The following TSBP1 variants were observed in gnomAD, a reference collection of about 807,000 sequenced individuals.
The protein encoded by TSBP1 is testis-expressed basic protein 1.
TSBP1 carries 56 observed loss-of-function variants against 68.8 expected under a neutral mutation model. The ratio of observed to expected loss-of-function variants is 0.81; its 90% CI spans 0.66 to 1.02. The LOEUF is 1.02. Ranked by LOEUF, TSBP1 falls within the 50% of genes least tolerant of loss-of-function variation. The pLI is 0.00. For missense variants in TSBP1, 502 were observed against 641.2 expected, an observed-to-expected ratio of 0.78 and a Z score of 2.34; for synonymous variants, 171 against 208.7, an observed-to-expected ratio of 0.82 and a Z score of 1.56.
intron 9 of TSBP1, among the ~76,000 whole-genome samples, chr6:32,347,486 T>G (rs1771183079): frequency 6.6e-6 from 1 of 152,192 alleles, no homozygotes; most frequent in Non-Finnish European, 1.5e-5. Flanking sequence ...CGAACAGTCT[T>G]CTCCAGTAGA....
At chr6:32,327,940 C>T (rs9501613) in intron 16 of TSBP1, among the ~76,000 whole-genome samples, 14,062 of 151,400 alleles carry the variant, frequency 0.093, 846 homozygotes, top group African/African-American at 0.15. Context: ...TACAGGCACC[C>T]GCCACCATGC....
chr6:32,324,331 C>G, intron 16 of TSBP1: 1 of 439,640 alleles, frequency 2.3e-6, no homozygotes, highest in South Asian at 2.2e-5. Flanking sequence ...CTACTCCTTT[C>G]TCTCCTACCA....
At chr6:32,348,284 C>T (rs1307786999) in intron 9 of TSBP1, among the ~76,000 whole-genome samples, 5 of 152,242 alleles carry the variant, frequency 3.3e-5, no homozygotes, top group African/African-American at 1.2e-4. Context: ...AAATATTTTA[C>T]CCTTTCCATA....
At chr6:32,320,258 T>C in intron 18 of TSBP1, 1 of 456,376 alleles carries the variant, frequency 2.2e-6, no homozygotes, top group East Asian at 6.9e-5. Context: ...TGGAATATTA[T>C]GCACATTGCA....
intron 19 of TSBP1, among the ~76,000 whole-genome samples, chr6:32,312,968 A>G (rs1246297894): frequency 2.0e-5 from 3 of 152,052 alleles, no homozygotes; most frequent in African/African-American, 7.2e-5. Context: ...TATAAAGTAG[A>G]CCCTATCATT....
intron 9 of TSBP1, among the ~76,000 whole-genome samples, chr6:32,341,903 A>C (rs1770401749): frequency 6.6e-6 from 1 of 152,194 alleles, no homozygotes; most frequent in Non-Finnish European, 1.5e-5. Context: ...TGTAATAGTC[A>C]GTATGAAAAC....
chr6:32,355,021 A>G, intron 8 of TSBP1, 103 bp downstream of exon 8: 1 of 881,382 alleles, frequency 1.1e-6, no homozygotes, highest in Non-Finnish European at 1.8e-6. Context: ...AATTATTTTT[A>G]TACTTAATTT....
At position 32,340,568 on chromosome 6, in the gene TSBP1, T is replaced by G. The variant is rs2395144; in HGVS notation, c.350-930A>C. Among the ~76,000 whole-genome samples, 51,143 of 152,076 alleles carry G rather than the reference T, an allele frequency of 0.34. 9,661 individuals are homozygous for G. The highest frequency in any genetic ancestry group is 0.52 in the Middle Eastern group (151 of 292). On this transcript the variant is annotated intron_variant, in intron 9 of 22. Coordinates refer to ENST00000612031, the Ensembl canonical transcript of TSBP1. The surrounding 1 kb of genome is among the most constrained non-coding windows in gnomAD (Gnocchi z 4.8). ...TTAAGATTTAAGATATTAACCTATGTTAGGAGTGACAAGTATACTTGAGTT... is the reference window on the plus strand; with the variant it reads ...TTAAGATTTAAGATATTAACCTATGGTAGGAGTGACAAGTATACTTGAGTT...
rs993004251 is a variant in TSBP1 at position 32,325,011 on chromosome 6, A to G, written c.515-1397T>C. On this transcript the variant is annotated intron_variant, in intron 16 of 22. Coordinates refer to ENST00000612031, the Ensembl canonical transcript of TSBP1. This position sits in a 1 kb window ranked among gnomAD's most constrained non-coding sequence, Gnocchi z 4.4. ...TGACTTATCTAGAAAGCAGAAATGG[A>G]TCTATATCATTTTTCTGTCATTTTT... is the stretch of plus-strand genomic sequence containing the variant. Among the ~76,000 whole-genome samples the G allele has an allele frequency of 1.3e-5, 2 of 152,064 alleles. No individual in the cohort carries two copies. Among genetic ancestry groups the G allele is most frequent in the Non-Finnish European group, 2.9e-5 (2 of 68,006 alleles).
intron 16 of TSBP1, among the ~76,000 whole-genome samples, chr6:32,326,938 G>A (rs1768293633): frequency 6.6e-6 from 1 of 152,080 alleles, no homozygotes; most frequent in Non-Finnish European, 1.5e-5. Context: ...ATCCTGCAGG[G>A]GATTGGTAAT....
intron 19 of TSBP1, among the ~76,000 whole-genome samples, chr6:32,308,900 T>A (rs1467730427): frequency 6.6e-6 from 1 of 152,052 alleles, no homozygotes; most frequent in Non-Finnish European, 1.5e-5. Flanking sequence ...TCTACTCATT[T>A]TAAAGCACAC....
chr6:32,293,246 CTCT>C (rs1324459259), exon 23 of TSBP1: 1 of 1,612,742 alleles, frequency 6.2e-7, no homozygotes, highest in Non-Finnish European at 8.5e-7. Flanking sequence ...ACCTGACTCA[CTCT>C]TCTTTACTTG....
rs1315427723 is a variant in TSBP1 at position 32,316,200 on chromosome 6, T to G, written c.560-408A>C. 6.6e-6 allele frequency among the ~76,000 whole-genome samples: 1 copy of G among 152,226 alleles called. No individual in the cohort carries two copies. Among genetic ancestry groups the G allele is most frequent in the Non-Finnish European group, 1.5e-5 (1 of 68,038 alleles). On this transcript the variant is annotated intron_variant, in intron 18 of 22. Coordinates refer to ENST00000612031, the Ensembl canonical transcript of TSBP1. The surrounding 1 kb of genome is among the most constrained non-coding windows in gnomAD (Gnocchi z 4.5). Reference sequence around the variant, plus strand: ...ATTCTGCTTACGTGTTATTTCATAATATTGTTCAGTTTATTACTGATGAAT... The same window carrying G: ...ATTCTGCTTACGTGTTATTTCATAAGATTGTTCAGTTTATTACTGATGAAT...
intron 22 of TSBP1, among the ~76,000 whole-genome samples, chr6:32,297,548 T>C (rs907199835): frequency 2.0e-5 from 3 of 152,176 alleles, no homozygotes; most frequent in Non-Finnish European, 1.5e-5. Context: ...GAGAGCACAA[T>C]TGGATCTAGA....
At position 32,340,669 on chromosome 6, in the gene TSBP1, C is replaced by T. The variant is rs2127612634; in HGVS notation, c.350-1031G>A. On this transcript the variant is annotated intron_variant, in intron 9 of 22. Coordinates refer to ENST00000612031, the Ensembl canonical transcript of TSBP1. This position sits in a 1 kb window ranked among gnomAD's most constrained non-coding sequence, Gnocchi z 4.8. ...AATTTTAGGATACATGTGAGCTGAG[C>T]AGGAAAGAGAATCATGATAAATTAC... is the stretch of plus-strand genomic sequence containing the variant. 6.6e-6 allele frequency among the ~76,000 whole-genome samples: 1 copy of T among 152,214 alleles called. No individual in the cohort carries two copies.
rs1025356364 is a variant in TSBP1 at position 32,304,182 on chromosome 6, C to T, written c.581-1553G>A. Among the ~76,000 whole-genome samples the T allele has an allele frequency of 2.0e-5, 3 of 149,584 alleles. No individual in the cohort carries two copies. Among genetic ancestry groups the T allele is most frequent in the South Asian group, 2.1e-4 (1 of 4,670 alleles). On this transcript the variant is annotated intron_variant, in intron 19 of 22. Transcript: ENST00000612031. This position sits in a 1 kb window ranked among gnomAD's most constrained non-coding sequence, Gnocchi z 4.8. ...AAAGGAAGGAAGAAGAAAGAACGAG[C>T]GAATGAACAAAAGAAAGAAAGAAAG...
At position 32,366,103 on chromosome 6, in the gene TSBP1, T is replaced by A. The variant is rs1053547802; in HGVS notation, c.217+64A>T. 12 of 1,596,008 alleles carry A rather than the reference T, an allele frequency of 7.5e-6. No homozygotes were observed. In the African/African-American group the frequency reaches 1.6e-4, roughly 21 times the overall value. ...ATTTTGGTCAGTTTTTATAGCCTTTTATGTTGTGGCAGGAAGAAGCCTGAT... is the reference window on the plus strand; with the variant it reads ...ATTTTGGTCAGTTTTTATAGCCTTTAATGTTGTGGCAGGAAGAAGCCTGAT... On this transcript the variant is annotated intron_variant, in intron 6 of 22. Coordinates refer to ENST00000612031, the Ensembl canonical transcript of TSBP1.
In TSBP1 at chr6:32,366,198, G is replaced by T. The variant is rs1323039282; in HGVS notation, c.197-11C>A. 1.3e-6 allele frequency: 2 copies of T among 1,593,578 alleles called. No individual in the cohort carries two copies. Among genetic ancestry groups the T allele is most frequent in the Non-Finnish European group, 1.7e-6 (2 of 1,173,208 alleles). On this transcript the variant is annotated splice_polypyrimidine_tract_variant and intron_variant, in intron 5 of 22. Transcript: ENST00000612031. ...TATCATATGAAGTGTCTAGAGAATT[G>T]AAGAAAAATTATAAGATTCTTAATT...
rs1769678176 is a variant in TSBP1, at chr6:32,336,424, G to A, written c.430+191C>T. ...AATGCCAGGGGAGTTGAGAAAGACA[G>A]TGTTAAAAAAGCAAGTCACCCCTAA... On this transcript the variant is annotated intron_variant, in intron 12 of 22. Transcript: ENST00000612031. The surrounding 1 kb of genome is among the most constrained non-coding windows in gnomAD (Gnocchi z 5.2). Among the ~76,000 whole-genome samples the A allele has an allele frequency of 6.6e-6, 1 of 152,152 alleles. No homozygotes were observed. The highest frequency in any genetic ancestry group is 1.5e-5 in the Non-Finnish European group (1 of 68,036).
Sources: allele counts gnomAD v4.1 joint callset (sites outside exome capture counted in the v4.1 genomes callset), GRCh38; gene constraint gnomAD v4.1.1; non-coding constraint Gnocchi (gnomAD v3.1); transcripts MANE v1.5; gene names NCBI Gene and HGNC (gene_info 2026-07-23, HGNC 2026-07-21).